PHIP: variants seen among roughly 807,000 people sequenced by gnomAD.
PHIP encodes PH-interacting protein.
Under a neutral mutation model 236.8 loss-of-function variants are expected in PHIP, and 54 were observed. That is an observed-to-expected ratio of 0.23 (90% confidence interval 0.18 to 0.29). The LOEUF is 0.29. PHIP is among the 10% of genes least tolerant of loss of function. PHIP has a pLI of 1.00. For missense variants in PHIP, 1,370 were observed against 2,190.8 expected, an observed-to-expected ratio of 0.63 and a Z score of 7.48; for synonymous variants, 756 against 718.9, an observed-to-expected ratio of 1.05 and a Z score of -0.83.
intron 13 of PHIP, 28 bp downstream of exon 13, chr6:79,016,516 A>G: frequency 7.2e-7 from 1 of 1,381,302 alleles, no homozygotes; most frequent in Non-Finnish European, 1.0e-6. Flanking sequence ...ATCAATATAT[A>G]CATAATATTT....
chr6:78,985,578 C>T (rs1047182115), intron 21 of PHIP, 150 bp from the exon 22 acceptor site: 8 of 647,922 alleles, frequency 1.2e-5, no homozygotes, highest in South Asian at 7.3e-5. Context: ...TTGTGGCTCA[C>T]GCCTGTAATC....
At chr6:79,047,756 T>A (rs572425998) in intron 6 of PHIP, among the ~76,000 whole-genome samples, 1 of 152,278 alleles carries the variant, frequency 6.6e-6, no homozygotes, top group East Asian at 1.9e-4. Context: ...TGCTTTAATA[T>A]GAAGTTCTCC....
At chr6:79,039,008 T>A (rs1354506452) in intron 7 of PHIP, among the ~76,000 whole-genome samples, 1 of 152,178 alleles carries the variant, frequency 6.6e-6, no homozygotes, top group African/African-American at 2.4e-5. Context: ...GTCAATTCCA[T>A]CCCACTGTGA....
chr6:79,053,873 A>G (rs1418993112), intron 6 of PHIP, among the ~76,000 whole-genome samples: 2 of 152,124 alleles, frequency 1.3e-5, no homozygotes, highest in Non-Finnish European at 2.9e-5. Context: ...TGGAGGGGAT[A>G]TCCCTCATCA....
chr6:78,946,608 C>T (rs973091785), intron 37 of PHIP, 103 bp downstream of exon 37: 65 of 1,435,796 alleles, frequency 4.5e-5, no homozygotes, highest in Non-Finnish European at 5.8e-5. Context: ...AATTATCATT[C>T]TGCAATATAG....
chr6:79,023,162 T>A (rs1044969160), intron 9 of PHIP, among the ~76,000 whole-genome samples: 4 of 152,232 alleles, frequency 2.6e-5, no homozygotes, highest in African/African-American at 9.6e-5. Flanking sequence ...CACTTCAGCC[T>A]TTAACTCCTG....
At chr6:79,056,780 T>C (rs1454351098) in intron 6 of PHIP, among the ~76,000 whole-genome samples, 1 of 152,130 alleles carries the variant, frequency 6.6e-6, no homozygotes, top group African/African-American at 2.4e-5. Context: ...GGGCAGGGGC[T>C]CAAGTAGCAA....
At chr6:79,016,062 T>C (rs1464830661) in intron 13 of PHIP, among the ~76,000 whole-genome samples, 1 of 151,900 alleles carries the variant, frequency 6.6e-6, no homozygotes, top group Non-Finnish European at 1.5e-5. Flanking sequence ...TTCTGTGCCA[T>C]GCTGCTCACT....
chr6:78,955,350 C>T lies in PHIP; in HGVS notation c.3853-68G>A, dbSNP rs186370214. 1,096 of 1,123,778 alleles carry T rather than the reference C, an allele frequency of 9.8e-4. 15 individuals are homozygous for T. Among genetic ancestry groups the T allele is most frequent in the Admixed American group, 7.5e-3 (399 of 53,204 alleles). The allele number at this position is 1,123,778 out of a possible 1,614,324, so 69.6% of individuals were successfully genotyped here. On this transcript the variant is annotated intron_variant, in intron 33 of 39. Transcript: ENST00000275034. Reference sequence around the variant, plus strand: ...GTCATTATACTTTATAGTTGATTAACTAGCAATTATTTCCTTTACACACTG... The same window carrying T: ...GTCATTATACTTTATAGTTGATTAATTAGCAATTATTTCCTTTACACACTG...
chr6:78,985,705 T>TG (rs1768821955), intron 21 of PHIP, among the ~76,000 whole-genome samples: 1 of 152,114 alleles, frequency 6.6e-6, no homozygotes. Flanking sequence ...TAGCTGGGAA[T>TG]GGTGGCAGAT....
chr6:79,017,443 C>A, intron 11 of PHIP, 40 bp downstream of exon 11: 1 of 1,576,304 alleles, frequency 6.3e-7, no homozygotes, highest in Non-Finnish European at 8.7e-7. Flanking sequence ...CTTGGACTCA[C>A]ATAAATTATA....
rs1307198930 is a variant in PHIP, at chr6:79,001,999, A to G, written c.1779T>C (p.Val593=). 19 of 1,613,260 alleles carry G rather than the reference A, an allele frequency of 1.2e-5. No homozygotes were observed. The highest frequency in any genetic ancestry group is 1.4e-5 in the Non-Finnish European group (17 of 1,179,438). ...ATCTTGATGGATGAGGGTTACCATC[A>G]ACATCAACCAAAAAAGGGGGAGGCA... is the stretch of plus-strand genomic sequence containing the variant. ...HLMPPPFLVD[V]DGNPHPSRYQ... is the part of the protein sequence containing the mutation. The change falls in exon 17 of 40, where the codon GTT becomes GTC. Residue 593 remains valine, a synonymous_variant. Transcript: ENST00000275034.
intron 32 of PHIP, chr6:78,957,895 T>G (rs898500116): frequency 6.6e-6 from 1 of 152,036 alleles, no homozygotes; most frequent in African/African-American, 2.4e-5. Flanking sequence ...AACTTGACTT[T>G]GAAGAAGAAT....
intron 7 of PHIP, among the ~76,000 whole-genome samples, chr6:79,032,450 T>TA (rs1207292074): frequency 8.5e-5 from 13 of 152,234 alleles, no homozygotes; most frequent in Admixed American, 7.8e-4. Flanking sequence ...GTTCATGTAA[T>TA]AGTCCACATC....
At chr6:78,998,828 CATTT>C in intron 17 of PHIP, among the ~76,000 whole-genome samples, 1 of 152,232 alleles carries the variant, frequency 6.6e-6, no homozygotes, top group African/African-American at 2.4e-5. Context: ...TTTACTGCCT[CATTT>C]ATTCAATACA....
At chr6:78,990,792 A>G in intron 20 of PHIP, 76 bp downstream of exon 20, 1 of 743,708 alleles carries the variant, frequency 1.3e-6, no homozygotes. Flanking sequence ...TACCATGTTA[A>G]ATTACAAAAT....
intron 23 of PHIP, among the ~76,000 whole-genome samples, chr6:78,981,109 C>CT (rs1768498486): frequency 6.6e-6 from 1 of 151,930 alleles, no homozygotes; most frequent in East Asian, 1.9e-4. Context: ...TAATTATAAC[C>CT]ATTAAGGGGT....
chr6:79,048,410 T>C (rs1772609207), intron 6 of PHIP, among the ~76,000 whole-genome samples: 1 of 152,102 alleles, frequency 6.6e-6, no homozygotes, highest in South Asian at 2.1e-4. Flanking sequence ...GTAATAACCT[T>C]AGTAAATACA....
intron 39 of PHIP, among the ~76,000 whole-genome samples, chr6:78,942,967 A>C (rs1369117355): frequency 6.6e-6 from 1 of 152,228 alleles, no homozygotes; most frequent in Admixed American, 6.5e-5. Flanking sequence ...AAAACCACTG[A>C]TATTGAACGG....
Sources: gnomAD v4.1 joint callset for allele counts (sites outside exome capture counted in the v4.1 genomes callset) on GRCh38, gnomAD v4.1.1 for gene constraint, MANE v1.5 for transcripts, NCBI Gene and HGNC (gene_info 2026-07-23, HGNC 2026-07-21) for gene names.